The following VNN2 variants were observed in gnomAD, a reference collection of about 807,000 sequenced individuals.
The protein encoded by VNN2 is vanin 2.
In VNN2, 43 loss-of-function variants were observed where a neutral mutation model predicts 43.0. The observed-to-expected ratio is 1.00, with a 90% CI of 0.78 to 1.29. The LOEUF (loss-of-function observed/expected upper bound fraction) is 1.29, where lower values mean the gene tolerates loss of function less well. Ranked by LOEUF, VNN2 falls within the 50% of genes most tolerant of loss-of-function variation. The probability of loss-of-function intolerance (pLI) is 0.00; values close to 1 mark genes in which losing one functional copy is unlikely to be tolerated. For synonymous variants in VNN2, 230 were observed against 224.3 expected (o/e 1.03, Z -0.23); for missense variants, 652 against 619.7 (o/e 1.05, Z -0.55).
At chr6:132,746,294 C>G (rs1193302871) in intron 6 of VNN2, among the ~76,000 whole-genome samples, 1 of 152,184 alleles carries the variant, frequency 6.6e-6, no homozygotes, top group Non-Finnish European at 1.5e-5. Context: ...GGATACACAA[C>G]AAGTGTGTTG....
At position 132,752,592 on chromosome 6, in the gene VNN2, A is replaced by G. The variant is rs1181770914; in HGVS notation, c.695T>C (p.Ile232Thr). The change falls in exon 4 of 7, where the codon ATA becomes ACA. Residue 232 changes from isoleucine (I) to threonine (T), a missense_variant. Transcript: ENST00000326499. ...TLVKDFHVDT[I>T]LFPTAWMNVL... ...GTTCATCCAAGCTGTGGGAAACAGT[A>G]TGGTGTCCACATGGAAATCTTTCAC... 1 of 1,614,194 alleles carries G rather than the reference A, an allele frequency of 6.2e-7. No homozygotes were observed. Among genetic ancestry groups the G allele is most frequent in the Admixed American group, 1.7e-5 (1 of 60,028 alleles).
At chr6:132,758,022 TTCTTCTTCTTCTTCTTC>T (rs1314803176), upstream of VNN2, 104 of 117,488 alleles carry the variant, frequency 8.9e-4, 5 homozygotes, top group African/African-American at 0.014. Context: ...CTTCTTCTTC[TTCTTCTTCTTCTTCTTC>T]TTTTTTTTTT....
In VNN2 at chr6:132,752,556, AG is replaced by A; in HGVS notation, c.730del (p.Leu244PhefsTer2). On this transcript the variant is annotated frameshift_variant, in exon 4 of 7. Transcript: ENST00000326499. LOFTEE classifies it high-confidence loss of function. ...FPTAWMNVLP[L>X]LTAIEFHSAW... ...TGAATGGAATTCAATAGCTGTCAAA[AG>A]GGGCAAAACGTTCATCCAAGCTGTG... 1 of 1,614,204 alleles carries A rather than the reference AG, an allele frequency of 6.2e-7. No homozygotes were observed. The highest frequency in any genetic ancestry group is 1.3e-5 in the African/African-American group (1 of 75,066).
At position 132,752,484 on chromosome 6, in the gene VNN2, T is replaced by C. The variant is rs1206662467; in HGVS notation, c.803A>G (p.His268Arg). Residue 268 changes from histidine (H) to arginine (R), a missense_variant, in exon 4 of 7, where the codon CAT becomes CGT. Physicochemically the swap from His to Arg is conservative, Grantham distance 29 (BLOSUM62 0). Transcript: ENST00000326499. ...MGVNLLVANT[H>R]HVSLNMTGSG... ...ACCTGTCATATTTAGGCTGACATGA[T>C]GTGTGTTGGCCACAAGAAGATTAAC... The C allele has an allele frequency of 5.6e-6, 9 of 1,613,992 alleles. No homozygotes were observed. Among genetic ancestry groups the C allele is most frequent in the Non-Finnish European group, 6.8e-6 (8 of 1,179,942 alleles).
At chr6:132,758,183 T>C (rs1483739247), upstream of VNN2, among the ~76,000 whole-genome samples, 2 of 151,468 alleles carry the variant, frequency 1.3e-5, no homozygotes, top group East Asian at 3.9e-4. Context: ...CAGCTAGGAC[T>C]ACAGGTGCGC....
chr6:132,757,952 T>G (rs1441841771), upstream of VNN2: 2 of 1,307,150 alleles, frequency 1.5e-6, no homozygotes, highest in Admixed American at 2.4e-5. Flanking sequence ...GGAGAATGTT[T>G]GCATAACATG....
At chr6:132,758,396 G>C (rs1230610653), upstream of VNN2, among the ~76,000 whole-genome samples, 2 of 152,086 alleles carry the variant, frequency 1.3e-5, no homozygotes, top group Non-Finnish European at 2.9e-5. Context: ...AGAAAGAAAA[G>C]TTGCAGTCCA....
At chr6:132,744,630 C>T (rs771545537) in intron 6 of VNN2, 139 bp from the exon 7 acceptor site, 17 of 782,282 alleles carry the variant, frequency 2.2e-5, no homozygotes, top group Non-Finnish European at 3.2e-5. Flanking sequence ...GTAGGCCAGG[C>T]AGGGGACAGC....
rs1779960279 is a variant in VNN2 at position 132,749,956 on chromosome 6, C to A, written c.1201-91G>T. 9 of 1,197,024 alleles carry A rather than the reference C, an allele frequency of 7.5e-6. No individual in the cohort carries two copies. In the South Asian group the frequency reaches 1.6e-4, roughly 21 times the overall value. 74.2% of individuals were successfully genotyped at this position (1,197,024 alleles called of 1,614,324 possible). On this transcript the variant is annotated intron_variant, in intron 5 of 6. Coordinates refer to ENST00000326499, the MANE Select transcript of VNN2 (RefSeq NM_004665.6). ...GCCTTAGTTTTTAACTACAGCGAAG[C>A]AAACATTATCTTTCTCTGAAAAGGG...
chr6:132,749,587 A>G, intron 6 of VNN2, 108 bp downstream of exon 6: 2 of 1,152,302 alleles, frequency 1.7e-6, no homozygotes, highest in Non-Finnish European at 2.4e-6. Flanking sequence ...AATGGTTTTG[A>G]GGAAATTTGT....
chr6:132,746,664 T>C (rs1442058853), intron 6 of VNN2, among the ~76,000 whole-genome samples: 1 of 152,148 alleles, frequency 6.6e-6, no homozygotes, highest in African/African-American at 2.4e-5. Context: ...GGAAATCTTT[T>C]CCAAGAATGC....
intron 5 of VNN2, among the ~76,000 whole-genome samples, chr6:132,750,503 A>ATG (rs1779997611): frequency 1.4e-5 from 1 of 70,928 alleles, no homozygotes; most frequent in African/African-American, 5.2e-5. Context: ...ATGTGTATAT[A>ATG]TATATATATA....
At position 132,754,122 on chromosome 6, in the gene VNN2, A is replaced by G. The variant is rs537877637; in HGVS notation, c.538-1373T>C. On this transcript the variant is annotated intron_variant, in intron 3 of 6. Coordinates refer to ENST00000326499, the MANE Select transcript of VNN2 (RefSeq NM_004665.6). ...CTGCAGGTTCCTTGCTAGTTTGTCC[A>G]CATTCAGTGCACTGTGCCATCCTGC... Among the ~76,000 whole-genome samples the G allele has an allele frequency of 2.6e-3, 401 of 152,306 alleles. 1 individual carries two copies. Among genetic ancestry groups the G allele is most frequent in the Admixed American group, 4.8e-3 (73 of 15,304 alleles).
At chr6:132,759,453 A>C (rs1048430792), upstream of VNN2, among the ~76,000 whole-genome samples, 4 of 150,692 alleles carry the variant, frequency 2.7e-5, no homozygotes, top group Non-Finnish European at 5.9e-5. Context: ...AAAAAAAAAA[A>C]AAAAAAAACA....
Position 132,756,042 on chromosome 6 carries a change from C to T in VNN2, c.345-7G>A, listed in dbSNP as rs1038808994. 2 of 1,551,718 alleles carry T rather than the reference C, an allele frequency of 1.3e-6. No individual in the cohort carries two copies. Among genetic ancestry groups the T allele is most frequent in the Admixed American group, 4.3e-5 (2 of 46,980 alleles). On this transcript the variant is annotated splice_region_variant and splice_polypyrimidine_tract_variant and intron_variant, in intron 2 of 6. Coordinates refer to ENST00000326499, the MANE Select transcript of VNN2 (RefSeq NM_004665.6). ...TACTGGTGTGTGACCAAATCTAAAC[C>T]AAATTATAATTAAGAAATTTCAATT...
chr6:132,745,723 G>A (rs745794105), intron 6 of VNN2, among the ~76,000 whole-genome samples: 9 of 152,170 alleles, frequency 5.9e-5, no homozygotes, highest in Non-Finnish European at 1.3e-4. Context: ...ACTGTGAAAG[G>A]CATTAATGAC....
At chr6:132,747,575 C>T (rs889992252) in intron 6 of VNN2, among the ~76,000 whole-genome samples, 1 of 152,060 alleles carries the variant, frequency 6.6e-6, no homozygotes, top group Non-Finnish European at 1.5e-5. Flanking sequence ...TGAGATTGCA[C>T]CACTGCACTC....
intron 5 of VNN2, among the ~76,000 whole-genome samples, chr6:132,750,889 A>G (rs1387450463): frequency 6.6e-6 from 1 of 152,156 alleles, no homozygotes; most frequent in Non-Finnish European, 1.5e-5. Context: ...GAAACTCATC[A>G]TGGTTAGGTT....
At chr6:132,756,812 A>G (rs1382341114) in intron 2 of VNN2, among the ~76,000 whole-genome samples, 1 of 152,146 alleles carries the variant, frequency 6.6e-6, no homozygotes, top group Admixed American at 6.5e-5. Flanking sequence ...TTGATTTTCT[A>G]TCTCCAGATA....
Sources: gnomAD v4.1 joint callset for allele counts (sites outside exome capture counted in the v4.1 genomes callset) on GRCh38, gnomAD v4.1.1 for gene constraint, MANE v1.5 for transcripts, NCBI Gene and HGNC (gene_info 2026-07-23, HGNC 2026-07-21) for gene names.